PDE4DIP: variants seen among roughly 807,000 people sequenced by gnomAD.
PDE4DIP encodes the protein myomegalin.
In PDE4DIP, 59 loss-of-function variants were observed where a neutral mutation model predicts 221.4. The observed-to-expected ratio is 0.27, with a 90% CI of 0.22 to 0.33. The LOEUF (loss-of-function observed/expected upper bound fraction) is 0.33. PDE4DIP is among the 10% of genes least tolerant of loss of function. PDE4DIP has a pLI of 1.00. For synonymous variants in PDE4DIP, 404 were observed against 815.9 expected, an observed-to-expected ratio of 0.50 and a Z score of 8.60; for missense variants, 1,036 against 2,154.2, an observed-to-expected ratio of 0.48 and a Z score of 10.28.
chr1:148,978,405 G>A lies in PDE4DIP; in HGVS notation c.2564G>A (p.Arg855Gln), dbSNP rs782553091. 39 of 1,601,470 alleles carry A rather than the reference G, an allele frequency of 2.4e-5. No homozygotes were observed. The Admixed American group carries it at 3.9e-4, about 16-fold the overall frequency. Reference sequence around the variant, plus strand: ...CAGGGTCAAGAAATTTCAGGAAACCGAAGACAACAGGTAAGTTACTGGAAT... The same window carrying A: ...CAGGGTCAAGAAATTTCAGGAAACCAAAGACAACAGGTAAGTTACTGGAAT... The change falls in exon 19 of 44, where the codon CGA becomes CAA. Residue 855 changes from arginine (R) to glutamine (Q), a missense_variant. Transcript: ENST00000369354.
At chr1:148,915,235 C>T (rs587625174) in intron 1 of PDE4DIP, among the ~76,000 whole-genome samples, 89 of 152,202 alleles carry the variant, frequency 5.8e-4, no homozygotes, top group Non-Finnish European at 1.2e-3. Context: ...ACAACCTCTG[C>T]CTCCTGGGTT....
Position 148,981,334 on chromosome 1 carries a change from G to GAA in PDE4DIP, c.2753_2754dup (p.Glu919LysfsTer11). The stretch of plus-strand genomic sequence containing the variant: ...GGCTCAGGTGTTACGCAGTCGGCTA[G>GAA]AAGAAGTTCTTGGAAGAAGCTTGGA... On this transcript the variant is annotated frameshift_variant, in exon 21 of 44. Transcript: ENST00000369354. LOFTEE classifies it high-confidence loss of function. The GAA allele has an allele frequency of 6.2e-7, 1 of 1,614,048 alleles. No homozygotes were observed. The highest frequency in any genetic ancestry group is 8.5e-7 in the Non-Finnish European group (1 of 1,179,962).
intron 17 of PDE4DIP, among the ~76,000 whole-genome samples, chr1:148,975,385 A>G (rs1553536628): frequency 1.4e-5 from 2 of 147,936 alleles, no homozygotes; most frequent in Non-Finnish European, 3.0e-5. Flanking sequence ...AACTCTACAC[A>G]AAGTAAGTGG....
chr1:149,000,353 G>C (rs587728295), intron 23 of PDE4DIP, among the ~76,000 whole-genome samples: 2 of 152,078 alleles, frequency 1.3e-5, no homozygotes, highest in Admixed American at 6.5e-5. Context: ...TCAGGAGTTC[G>C]AGACCAGCCT....
intron 43 of PDE4DIP, chr1:149,030,636 G>A: frequency 1.5e-5 from 12 of 780,966 alleles, no homozygotes; most frequent in Non-Finnish European, 1.9e-5. Flanking sequence ...GCTTCTAGTA[G>A]AGGGATCTTG....
exon 13 of PDE4DIP, chr1:148,967,871 A>G: frequency 1.9e-6 from 2 of 1,073,376 alleles, no homozygotes; most frequent in Non-Finnish European, 2.9e-6. Context: ...CAGCAGTTAC[A>G]GACGTCTCTT....
rs782694630 is a variant in PDE4DIP at position 149,028,597 on chromosome 1, G to A, written c.6707G>A (p.Ser2236Asn). 3.1e-6 allele frequency: 5 copies of A among 1,610,556 alleles called. No homozygotes were observed. The Admixed American group carries it at 8.3e-5, about 27-fold the overall frequency. ...AAAGGTATTCATGAGCTTCGGAGCA[G>A]CACCAGTGCCCTGCACCATGCCCTA... The change falls in exon 41 of 44, where the codon AGC becomes AAC. Residue 2236 changes from serine to asparagine, a missense_variant. By Grantham distance (46) the Ser-to-Asn change is conservative. Coordinates refer to ENST00000369354, the Ensembl canonical transcript of PDE4DIP.
chr1:148,946,101 T>C (rs587613152), intron 5 of PDE4DIP, among the ~76,000 whole-genome samples: 1 of 152,138 alleles, frequency 6.6e-6, no homozygotes, highest in Admixed American at 6.6e-5. Context: ...TCTCCTCTCT[T>C]CCCCAATGGG....
At chr1:148,877,097 C>G (rs1297373009) in intron 3 of PDE4DIP, among the ~76,000 whole-genome samples, 2 of 146,922 alleles carry the variant, frequency 1.4e-5, no homozygotes, top group Non-Finnish European at 3.0e-5. Flanking sequence ...TATTAGTACT[C>G]AAGGTGAGGA....
At chr1:148,963,261 C>T (rs1296008907) in intron 9 of PDE4DIP, among the ~76,000 whole-genome samples, 1 of 152,126 alleles carries the variant, frequency 6.6e-6, no homozygotes, top group Middle Eastern at 3.2e-3. Flanking sequence ...GTTATCTATG[C>T]ACAGGAAAAA....
At chr1:148,981,169 C>A in intron 20 of PDE4DIP, 101 bp from the exon 24 acceptor site, 3 of 1,028,514 alleles carry the variant, frequency 2.9e-6, no homozygotes, top group Non-Finnish European at 3.0e-6. Flanking sequence ...TTTACAAAGT[C>A]GTGTGGCTCA....
chr1:148,898,993 G>C (rs1283167213), intron 1 of PDE4DIP, among the ~76,000 whole-genome samples: 2 of 102,802 alleles, frequency 1.9e-5, no homozygotes, highest in Non-Finnish European at 3.7e-5. Flanking sequence ...CACCATGCCC[G>C]GCTAATTTTT....
intron 1 of PDE4DIP, among the ~76,000 whole-genome samples, chr1:148,820,910 G>C (rs1669017774): frequency 6.8e-6 from 1 of 147,830 alleles, no homozygotes; most frequent in East Asian, 2.0e-4. Flanking sequence ...GAGTGCAGTG[G>C]GGCGATCTCG....
intron 5 of PDE4DIP, among the ~76,000 whole-genome samples, chr1:148,944,018 A>G (rs1245635240): frequency 1.2e-4 from 19 of 152,218 alleles, no homozygotes; most frequent in Admixed American, 7.2e-4. Flanking sequence ...TTAGGATTTC[A>G]ACATATGAAT....
In PDE4DIP at chr1:148,929,185, T is replaced by C. The variant is rs1231769831; in HGVS notation, c.142-12T>C. 1.9e-6 allele frequency: 3 copies of C among 1,613,498 alleles called. No individual in the cohort carries two copies. The highest frequency in any genetic ancestry group is 2.5e-6 in the Non-Finnish European group (3 of 1,179,650). On this transcript the variant is annotated splice_polypyrimidine_tract_variant and intron_variant, in intron 1 of 43. Transcript: ENST00000369354. Reference sequence around the variant, plus strand: ...GGCAGTTAATAACGATTAATGCCTGTGTGTTTTTCAGAACATTGAGCTGAA... The same window carrying C: ...GGCAGTTAATAACGATTAATGCCTGCGTGTTTTTCAGAACATTGAGCTGAA...
chr1:148,882,473 G>A (rs1297143138), intron 3 of PDE4DIP, among the ~76,000 whole-genome samples: 1 of 143,656 alleles, frequency 7.0e-6, no homozygotes, highest in Non-Finnish European at 1.5e-5. Context: ...TACCTTTTAG[G>A]GCTACAGGAG....
At chr1:148,976,558 T>A (rs1350101611) in intron 17 of PDE4DIP, among the ~76,000 whole-genome samples, 1 of 152,156 alleles carries the variant, frequency 6.6e-6, no homozygotes, top group African/African-American at 2.4e-5. Flanking sequence ...TCTCTAAGCT[T>A]GGGCTAGTGC....
intron 27 of PDE4DIP, chr1:149,006,254 T>A (rs2067011565): frequency 6.6e-6 from 1 of 152,170 alleles, no homozygotes; most frequent in South Asian, 2.1e-4. Context: ...AACACAGACA[T>A]TCATCTTGGT....
intron 21 of PDE4DIP, chr1:148,989,393 A>T (rs1553554385): frequency 3.5e-6 from 3 of 854,536 alleles, no homozygotes. Flanking sequence ...TTATGAAGCC[A>T]GAACCATAGC....
Sources: gnomAD v4.1 joint callset for allele counts (sites outside exome capture counted in the v4.1 genomes callset) on GRCh38, gnomAD v4.1.1 for gene constraint, MANE v1.5 for transcripts, NCBI Gene and HGNC (gene_info 2026-07-23, HGNC 2026-07-21) for gene names.